The following BRAF variants were observed in gnomAD, a reference collection of about 807,000 sequenced individuals.
BRAF encodes serine/threonine-protein kinase B-raf.
BRAF carries 16 observed loss-of-function variants against 104.6 expected under a neutral mutation model. That is an observed-to-expected ratio of 0.15 (90% CI 0.10 to 0.23). BRAF has a LOEUF of 0.23. Ranked by LOEUF, BRAF falls within the 10% of genes least tolerant of loss-of-function variation. The pLI, the probability that BRAF is intolerant of heterozygous loss-of-function variation, is 1.00. For missense variants in BRAF, 541 were observed against 937.3 expected, an observed-to-expected ratio of 0.58 and a Z score of 5.52; for synonymous variants, 310 against 341.6, an observed-to-expected ratio of 0.91 and a Z score of 1.02.
At chr7:140,881,493 G>C (rs570514502) in intron 1 of BRAF, among the ~76,000 whole-genome samples, 46 of 152,310 alleles carry the variant, frequency 3.0e-4, no homozygotes, top group Non-Finnish European at 5.6e-4. Flanking sequence ...AGCCTCAAGT[G>C]ATCCTCCCAC....
In BRAF at chr7:140,888,796, T is replaced by C. The variant is rs1813879384; in HGVS notation, c.138+35770A>G. Among the ~76,000 whole-genome samples, 2 of 151,678 alleles carry C rather than the reference T, an allele frequency of 1.3e-5. 1 individual carries two copies. The highest frequency in any genetic ancestry group is 4.2e-4 in the South Asian group (2 of 4,790). On this transcript the variant is annotated intron_variant, in intron 1 of 19. Coordinates refer to ENST00000644969, the MANE Select transcript of BRAF (RefSeq NM_001374258.1). ...GTTGCAGTGGGCCGAGATTGCGCCA[T>C]TGCACTATAGCCTGGGCAACAAAAG...
chr7:140,768,974 C>G (rs1010888654), intron 14 of BRAF, among the ~76,000 whole-genome samples: 1 of 152,140 alleles, frequency 6.6e-6, no homozygotes, highest in Non-Finnish European at 1.5e-5. Flanking sequence ...CTTGGACTTC[C>G]CAGCCTCTAG....
At chr7:140,769,616 C>T (rs922661344) in intron 14 of BRAF, among the ~76,000 whole-genome samples, 4 of 152,198 alleles carry the variant, frequency 2.6e-5, no homozygotes, top group African/African-American at 9.6e-5. Flanking sequence ...ATATAATCCA[C>T]TTTTAACTAC....
intron 3 of BRAF, among the ~76,000 whole-genome samples, chr7:140,832,009 T>C (rs1473083672): frequency 6.6e-6 from 1 of 152,206 alleles, no homozygotes; most frequent in Admixed American, 6.5e-5. Flanking sequence ...TGGTTTTCTA[T>C]TTTGGCTTAT....
intron 1 of BRAF, among the ~76,000 whole-genome samples, chr7:140,855,628 G>A (rs1179051334): frequency 6.6e-6 from 1 of 151,206 alleles, no homozygotes; most frequent in African/African-American, 2.4e-5. Context: ...TTAGTAACAG[G>A]TGATTTTATA....
At chr7:140,758,455 CCTTCA>C (rs1391591894) in intron 14 of BRAF, among the ~76,000 whole-genome samples, 2 of 152,008 alleles carry the variant, frequency 1.3e-5, no homozygotes, top group Non-Finnish European at 2.9e-5. Context: ...TTTTTAGTTT[CCTTCA>C]CTTTTTTTTT....
chr7:140,732,170 C>CAAAAAAAAAAAAAA (rs61727494), intron 19 of BRAF: 1 of 23,696 alleles, frequency 4.2e-5, no homozygotes, highest in African/African-American at 7.6e-5. Context: ...GACTCTGTCT[C>CAAAAAAAAAAAAAA]AAAAAAAAAA....
At chr7:140,769,098 A>C (rs1799598452) in intron 14 of BRAF, among the ~76,000 whole-genome samples, 1 of 145,540 alleles carries the variant, frequency 6.9e-6, no homozygotes, top group Non-Finnish European at 1.5e-5. Flanking sequence ...TTTTTTTGAG[A>C]CAGAATCTCG....
intron 1 of BRAF, among the ~76,000 whole-genome samples, chr7:140,888,396 T>G (rs1440735342): frequency 2.2e-5 from 3 of 136,014 alleles, no homozygotes; most frequent in African/African-American, 3.6e-5. Flanking sequence ...CCTTATAGAA[T>G]GGACAAGTGA....
intron 14 of BRAF, among the ~76,000 whole-genome samples, chr7:140,759,138 T>C (rs753657821): frequency 2.0e-5 from 3 of 152,254 alleles, no homozygotes; most frequent in Non-Finnish European, 4.4e-5. Flanking sequence ...ACTGTGTTGT[T>C]CCTAGTTTGT....
intron 2 of BRAF, among the ~76,000 whole-genome samples, chr7:140,838,867 A>C (rs923753576): frequency 3.9e-5 from 6 of 152,198 alleles, no homozygotes; most frequent in Non-Finnish European, 5.9e-5. Context: ...CCAATGCATG[A>C]AGGGTTTCTT....
chr7:140,898,700 CTT>C (rs1183911683), intron 1 of BRAF, among the ~76,000 whole-genome samples: 5 of 152,206 alleles, frequency 3.3e-5, no homozygotes, highest in African/African-American at 9.7e-5. Flanking sequence ...ATCACATCCA[CTT>C]TCTCTCCTCC....
At chr7:140,919,819 C>T (rs780871521) in intron 1 of BRAF, among the ~76,000 whole-genome samples, 1 of 136,498 alleles carries the variant, frequency 7.3e-6, no homozygotes, top group African/African-American at 2.5e-5. Context: ...GTTCTACAAG[C>T]AAGTTTTTTT....
intron 14 of BRAF, among the ~76,000 whole-genome samples, chr7:140,757,789 A>T (rs1291575766): frequency 6.6e-6 from 1 of 152,184 alleles, no homozygotes; most frequent in Non-Finnish European, 1.5e-5. Flanking sequence ...TTCCTCACAT[A>T]AGTTACTTCT....
In BRAF at chr7:140,815,337, G is replaced by A. The variant is rs574569206; in HGVS notation, c.505-6342C>T. Among the ~76,000 whole-genome samples the A allele has an allele frequency of 5.2e-4, 79 of 151,840 alleles. 1 individual carries two copies. The highest frequency in any genetic ancestry group is 1.9e-3 in the African/African-American group (77 of 41,384). ...TTTTTTTGTATTTTTAGTAGAGACG[G>A]GGTTTCTCCTTGTTAGCCAAGATGG... On this transcript the variant is annotated intron_variant, in intron 3 of 19. Transcript: ENST00000644969.
intron 17 of BRAF, among the ~76,000 whole-genome samples, chr7:140,743,361 G>C (rs561175960): frequency 1.3e-5 from 2 of 152,008 alleles, no homozygotes; most frequent in Admixed American, 1.3e-4. Context: ...AAGAAAATGT[G>C]GCACATATAC....
At chr7:140,714,595 A>T (rs888375864), downstream of BRAF, among the ~76,000 whole-genome samples, 5 of 152,212 alleles carry the variant, frequency 3.3e-5, no homozygotes, top group Non-Finnish European at 7.4e-5. Flanking sequence ...TCGAGGCCTC[A>T]AGTGATCTTC....
At chr7:140,746,704 T>C (rs1797374603) in intron 17 of BRAF, among the ~76,000 whole-genome samples, 1 of 151,660 alleles carries the variant, frequency 6.6e-6, no homozygotes, top group Admixed American at 6.6e-5. Context: ...TAGTGCTGCG[T>C]GCCTGTAATC....
At chr7:140,829,642 T>C (rs1806491794) in intron 3 of BRAF, among the ~76,000 whole-genome samples, 1 of 152,214 alleles carries the variant, frequency 6.6e-6, no homozygotes, top group Non-Finnish European at 1.5e-5. Context: ...TTAATGGCCC[T>C]GATCCACTGC....
Sources: gnomAD v4.1 joint callset for allele counts (sites outside exome capture counted in the v4.1 genomes callset) on GRCh38, gnomAD v4.1.1 for gene constraint, MANE v1.5 for transcripts, NCBI Gene and HGNC (gene_info 2026-07-23, HGNC 2026-07-21) for gene names.